The following PLD5 variants were observed in gnomAD, a reference collection of about 807,000 sequenced individuals.
PLD5 encodes the protein phospholipase D family member 5.
PLD5 carries 36 observed loss-of-function variants against 61.1 expected under a neutral mutation model. That is an observed-to-expected ratio of 0.59 (90% CI 0.45 to 0.78). The LOEUF is 0.78. Ranked by LOEUF, PLD5 falls within the 30% of genes least tolerant of loss-of-function variation. The pLI, the probability that PLD5 is intolerant of heterozygous loss-of-function variation, is 0.00. For missense variants in PLD5, 515 were observed against 644.4 expected, an observed-to-expected ratio of 0.80 and a Z score of 2.17; for synonymous variants, 243 against 242.8, an observed-to-expected ratio of 1.00 and a Z score of -0.01.
intron 5 of PLD5, among the ~76,000 whole-genome samples, chr1:242,207,359 C>G (rs530853227): frequency 6.6e-6 from 1 of 152,278 alleles, no homozygotes; most frequent in Admixed American, 6.5e-5. Flanking sequence ...CTGTCAGGTC[C>G]TGGCTCTGAT....
At chr1:242,486,242 G>T (rs555196536) in intron 1 of PLD5, among the ~76,000 whole-genome samples, 69 of 152,222 alleles carry the variant, frequency 4.5e-4, no homozygotes, top group Admixed American at 1.3e-3. Flanking sequence ...AAGAGCTTCT[G>T]CACAGCAAAA....
chr1:242,358,995 C>A (rs2149234005), intron 1 of PLD5, among the ~76,000 whole-genome samples: 1 of 152,240 alleles, frequency 6.6e-6, no homozygotes, highest in East Asian at 1.9e-4. Flanking sequence ...TGGAGGCTGG[C>A]TATCGAGGGA....
intron 1 of PLD5, among the ~76,000 whole-genome samples, chr1:242,371,886 C>T (rs1041873069): frequency 2.0e-5 from 3 of 151,478 alleles, no homozygotes; most frequent in African/African-American, 7.3e-5. Flanking sequence ...TTTAATTATA[C>T]TTTAAGTTCT....
At chr1:242,408,975 G>A (rs1436213773) in intron 1 of PLD5, among the ~76,000 whole-genome samples, 1 of 151,996 alleles carries the variant, frequency 6.6e-6, no homozygotes, top group African/African-American at 2.4e-5. Flanking sequence ...GCTGAGGCAG[G>A]AGAATCACTT....
intron 4 of PLD5, among the ~76,000 whole-genome samples, chr1:242,224,112 C>T (rs1423975759): frequency 2.0e-5 from 3 of 152,084 alleles, no homozygotes; most frequent in Non-Finnish European, 2.9e-5. Flanking sequence ...CATTTATGTG[C>T]ATAACCTAAA....
chr1:242,441,650 AAGTAAC>A (rs1456360522), intron 1 of PLD5, among the ~76,000 whole-genome samples: 1 of 152,054 alleles, frequency 6.6e-6, no homozygotes. Context: ...GCACATTTTA[AAGTAAC>A]AGTAATAGAA....
chr1:242,104,103 G>A (rs1159784602), intron 8 of PLD5, among the ~76,000 whole-genome samples: 1 of 151,758 alleles, frequency 6.6e-6, no homozygotes, highest in African/African-American at 2.4e-5. Flanking sequence ...TCATATCTTT[G>A]AGCAGATGCA....
chr1:242,089,653 G>T lies in PLD5; in HGVS notation c.*201C>A. 1.6e-6 allele frequency: 1 copy of T among 628,716 alleles called. No individual in the cohort carries two copies. The highest frequency in any genetic ancestry group is 2.6e-6 in the Non-Finnish European group (1 of 381,626). 38.9% of individuals were successfully genotyped at this position (628,716 alleles called of 1,614,324 possible). ...GCCAGAATGACATTCTCTGTCAGAGGTAACAAATACAAAAGTCTTAATTTT... is the reference window on the plus strand; with the variant it reads ...GCCAGAATGACATTCTCTGTCAGAGTTAACAAATACAAAAGTCTTAATTTT... On this transcript the variant is annotated 3_prime_UTR_variant, in exon 10 of 10. Coordinates refer to ENST00000536534, the MANE Select transcript of PLD5 (RefSeq NM_001372062.1).
At chr1:242,133,260 C>T (rs1663444556) in intron 5 of PLD5, among the ~76,000 whole-genome samples, 1 of 152,112 alleles carries the variant, frequency 6.6e-6, no homozygotes, top group African/African-American at 2.4e-5. Flanking sequence ...TAGCCTCTGA[C>T]TGGTCACAGG....
rs371663912 is a variant in PLD5, at chr1:242,129,543, T to C, written c.736-4878A>G. On this transcript the variant is annotated intron_variant, in intron 5 of 9. Coordinates refer to ENST00000536534, the MANE Select transcript of PLD5 (RefSeq NM_001372062.1). Reference sequence around the variant, plus strand: ...ATGACAAATTTTAAAATGCTGGCAATGGGAAAAATAATATAGAGATCTGGG... The same window carrying C: ...ATGACAAATTTTAAAATGCTGGCAACGGGAAAAATAATATAGAGATCTGGG... 4.6e-5 allele frequency among the ~76,000 whole-genome samples: 7 copies of C among 152,266 alleles called. No homozygotes were observed. The East Asian group carries it at 1.3e-3, about 29-fold the overall frequency.
chr1:242,286,836 G>C (rs1328509767), intron 3 of PLD5, among the ~76,000 whole-genome samples: 1 of 152,180 alleles, frequency 6.6e-6, no homozygotes, highest in Non-Finnish European at 1.5e-5. Context: ...TATTGGAGGT[G>C]ATCTCTGGCT....
intron 2 of PLD5, among the ~76,000 whole-genome samples, chr1:242,314,423 G>A (rs1676884778): frequency 1.3e-5 from 2 of 152,106 alleles, no homozygotes; most frequent in Admixed American, 1.3e-4. Flanking sequence ...GAAGATCATT[G>A]GTCTTCAGAA....
At position 242,089,910 on chromosome 1, in the gene PLD5, G is replaced by A. The variant is rs376358593; in HGVS notation, c.1555C>T (p.Leu519Phe). Residue 519 changes from leucine (L) to phenylalanine (F), a missense_variant, in exon 10 of 10, where the codon CTC becomes TTC. Coordinates refer to ENST00000536534, the MANE Select transcript of PLD5 (RefSeq NM_001372062.1). ...NCSSLFKLKP[L>F]SNKTATDDTG... The stretch of plus-strand genomic sequence containing the variant: ...TCGTCTGTGGCAGTTTTGTTGGAGA[G>A]GGGTTTGAGTTTGAACAGGCTTGAG... 2 of 1,614,162 alleles carry A rather than the reference G, an allele frequency of 1.2e-6. No homozygotes were observed. The highest frequency in any genetic ancestry group is 1.3e-5 in the African/African-American group (1 of 75,024).
intron 5 of PLD5, among the ~76,000 whole-genome samples, chr1:242,136,995 T>C (rs1015984152): frequency 5.3e-5 from 8 of 152,188 alleles, no homozygotes; most frequent in African/African-American, 1.9e-4. Context: ...GCAAGTAGTT[T>C]ACTATTGTTT....
intron 9 of PLD5, among the ~76,000 whole-genome samples, chr1:242,096,059 T>C (rs1028667626): frequency 6.7e-6 from 1 of 149,648 alleles, no homozygotes; most frequent in African/African-American, 2.5e-5. Flanking sequence ...CCCGAGTTCA[T>C]GCCATTCTCC....
chr1:242,169,303 G>C (rs986893397), intron 5 of PLD5, among the ~76,000 whole-genome samples: 3 of 152,092 alleles, frequency 2.0e-5, no homozygotes, highest in African/African-American at 7.2e-5. Flanking sequence ...GCCAAAGTAG[G>C]GTGGGGTGTC....
chr1:242,384,417 A>T (rs1405415677), intron 1 of PLD5, among the ~76,000 whole-genome samples: 1 of 152,184 alleles, frequency 6.6e-6, no homozygotes, highest in African/African-American at 2.4e-5. Context: ...GCTTTGGCAA[A>T]AATTTTAGAA....
At chr1:242,451,859 C>G (rs1572178567) in intron 1 of PLD5, among the ~76,000 whole-genome samples, 1 of 152,164 alleles carries the variant, frequency 6.6e-6, no homozygotes, top group South Asian at 2.1e-4. Flanking sequence ...AAAGTTTCCT[C>G]TCCCACCATG....
At chr1:242,502,525 C>T (rs949579724) in intron 1 of PLD5, among the ~76,000 whole-genome samples, 5 of 152,150 alleles carry the variant, frequency 3.3e-5, no homozygotes, top group Non-Finnish European at 7.3e-5. Context: ...ACAAAACATG[C>T]AACACTGTTA....
Sources: allele counts gnomAD v4.1 joint callset (sites outside exome capture counted in the v4.1 genomes callset), GRCh38; gene constraint gnomAD v4.1.1; transcripts MANE v1.5; gene names NCBI Gene and HGNC (gene_info 2026-07-23, HGNC 2026-07-21).